The following RBM26 variants were observed in gnomAD, a reference collection of about 807,000 sequenced individuals.
RBM26 encodes RNA binding motif protein 26, also known as RNA-binding protein 26.
A neutral mutation model predicts 123.6 loss-of-function variants in RBM26; 30 were observed. The observed-to-expected ratio is 0.24, with a 90% CI of 0.18 to 0.33. The LOEUF (loss-of-function observed/expected upper bound fraction) is 0.33. RBM26 is among the 10% of genes least tolerant of loss of function. The pLI is 1.00. For synonymous variants in RBM26, 400 were observed against 404.4 expected (o/e 0.99, Z 0.13); for missense variants, 947 against 1,203.6 (o/e 0.79, Z 3.15).
intron 14 of RBM26, among the ~76,000 whole-genome samples, chr13:79,349,113 C>A (rs995256217): frequency 2.6e-5 from 4 of 152,102 alleles, no homozygotes; most frequent in African/African-American, 4.8e-5. Flanking sequence ...GTGTATTTAT[C>A]ATGTACAACA....
In RBM26 at chr13:79,395,224, T is replaced by C. The variant is rs140134330; in HGVS notation, c.71+10480A>G. ...TGAGACGAAACAGTCAATGGAAACA[T>C]ACTCAGAGACTGTCCAGATAATAGA... On this transcript the variant is annotated intron_variant, in intron 1 of 21. Coordinates refer to ENST00000438737, the MANE Select transcript of RBM26 (RefSeq NM_001366735.2). Among the ~76,000 whole-genome samples the C allele has an allele frequency of 1.7e-3, 259 of 152,260 alleles. 2 individuals carry two copies. Among genetic ancestry groups the C allele is most frequent in the African/African-American group, 6.0e-3 (248 of 41,542 alleles).
chr13:79,371,302 A>T, intron 4 of RBM26, 140 bp from the exon 5 acceptor site: 2 of 675,602 alleles, frequency 3.0e-6, no homozygotes. Context: ...ACTGAGCTTA[A>T]TATTCAGTAC....
intron 18 of RBM26, 146 bp from the exon 19 acceptor site, chr13:79,337,448 G>A (rs1393696995): frequency 3.0e-6 from 3 of 988,084 alleles, no homozygotes; most frequent in East Asian, 5.3e-5. Context: ...TTTAAATTGG[G>A]GTTTTAGTTT....
Position 79,337,494 on chromosome 13 carries a change from C to G in RBM26, c.2533-192G>C, listed in dbSNP as rs140534951. ...AATGTAGGTGGCTAGTAAACTGAAA[C>G]AAAAAAATAACACTGAGGTCTTGGA... On this transcript the variant is annotated intron_variant, in intron 18 of 21. Transcript: ENST00000438737. Among the ~76,000 whole-genome samples, 2,501 of 152,038 alleles carry G rather than the reference C, an allele frequency of 0.016. 32 individuals carry two copies. Among genetic ancestry groups the G allele is most frequent in the Non-Finnish European group, 0.026 (1,753 of 67,946 alleles).
At chr13:79,365,429 T>C in intron 9 of RBM26, 149 bp downstream of exon 9, 1 of 653,394 alleles carries the variant, frequency 1.5e-6, no homozygotes, top group Non-Finnish European at 2.6e-6. Flanking sequence ...GGCCACAGAG[T>C]GAGACTCTGT....
intron 6 of RBM26, 108 bp downstream of exon 6, chr13:79,368,622 C>A (rs997175274): frequency 1.9e-6 from 2 of 1,055,244 alleles, no homozygotes; most frequent in Non-Finnish European, 2.8e-6. Flanking sequence ...AGGCTAATTT[C>A]CCACTTTTCA....
chr13:79,344,614 C>G lies in RBM26; in HGVS notation c.2184+55G>C. ...AATAAGCACTGAAAAAACACATACA[C>G]AAGGAAAGCTTTCCTATATGCAAAA... On this transcript the variant is annotated intron_variant, in intron 15 of 21. Transcript: ENST00000438737. The G allele has an allele frequency of 5.3e-6, 8 of 1,501,938 alleles. 1 individual carries two copies. The highest frequency in any genetic ancestry group is 4.8e-5 in the South Asian group (4 of 84,018). 93.0% of individuals were successfully genotyped at this position (1,501,938 alleles called of 1,614,324 possible).
intron 6 of RBM26, among the ~76,000 whole-genome samples, chr13:79,367,428 A>AAAAAAAAAAAAAAAAAAAAAAAAAAAG (rs1566476078): frequency 2.3e-5 from 1 of 43,408 alleles, no homozygotes; most frequent in African/African-American, 6.2e-5. Context: ...AAAAAAAAAA[A>AAAAAAAAAAAAAAAAAAAAAAAAAAAG]AAAAGAAGAA....
intron 17 of RBM26, among the ~76,000 whole-genome samples, 168 bp from the exon 18 acceptor site, chr13:79,341,395 A>C (rs2071351864): frequency 6.6e-6 from 1 of 151,896 alleles, no homozygotes; most frequent in South Asian, 2.1e-4. Flanking sequence ...AATAACTGCA[A>C]CAGCTTCCTA....
chr13:79,373,442 A>G (rs1434973673), intron 3 of RBM26, among the ~76,000 whole-genome samples: 1 of 57,678 alleles, frequency 1.7e-5, no homozygotes, highest in African/African-American at 7.7e-5. Flanking sequence ...TATATATTAT[A>G]TATTATATAT....
chr13:79,373,927 T>C (rs2076404129), intron 3 of RBM26, among the ~76,000 whole-genome samples: 1 of 150,290 alleles, frequency 6.7e-6, no homozygotes, highest in Non-Finnish European at 1.5e-5. Context: ...TTGAGAATAA[T>C]GGTCCTCAAC....
intron 5 of RBM26, among the ~76,000 whole-genome samples, chr13:79,370,202 G>C (rs1160502577): frequency 6.6e-6 from 1 of 152,130 alleles, no homozygotes; most frequent in Non-Finnish European, 1.5e-5. Context: ...TGTAATCCCA[G>C]CTACTTGGGA....
chr13:79,341,955 T>C (rs2071447096), intron 17 of RBM26, among the ~76,000 whole-genome samples: 1 of 151,866 alleles, frequency 6.6e-6, no homozygotes, highest in African/African-American at 2.4e-5. Context: ...AGAACGTAAA[T>C]ACATTTGAAT....
chr13:79,392,330 T>A (rs2078161550), intron 1 of RBM26, among the ~76,000 whole-genome samples: 1 of 142,466 alleles, frequency 7.0e-6, no homozygotes, highest in African/African-American at 2.6e-5. Flanking sequence ...AATTAGTAAT[T>A]ATATATAATT....
chr13:79,381,344 T>C (rs1174656856), intron 1 of RBM26, among the ~76,000 whole-genome samples: 1 of 152,034 alleles, frequency 6.6e-6, no homozygotes, highest in African/African-American at 2.4e-5. Context: ...AGAGTTACAG[T>C]CACTCCCTAT....
intron 18 of RBM26, among the ~76,000 whole-genome samples, chr13:79,338,020 C>T (rs1330811622): frequency 6.6e-6 from 1 of 152,118 alleles, no homozygotes; most frequent in African/African-American, 2.4e-5. Flanking sequence ...AAGTTCAAGA[C>T]CAGCCTGACC....
intron 1 of RBM26, among the ~76,000 whole-genome samples, chr13:79,398,891 T>G: frequency 6.6e-6 from 1 of 152,182 alleles, no homozygotes; most frequent in East Asian, 1.9e-4. Flanking sequence ...GTACACAAAC[T>G]TGAAATTTCA....
At chr13:79,343,586 T>C (rs2071791443) in intron 16 of RBM26, among the ~76,000 whole-genome samples, 2 of 151,882 alleles carry the variant, frequency 1.3e-5, no homozygotes, top group South Asian at 2.1e-4. Context: ...TGAGACTAAT[T>C]AAATGTCATA....
Position 79,366,199 on chromosome 13 carries a change from T to C in RBM26, c.1136-4A>G. The stretch of plus-strand genomic sequence containing the variant: ...GGAGGAAGTGGAGGTGGTGGTCCTG[T>C]CAAAACCAAAGAATAAGAAATATCA... On this transcript the variant is annotated splice_region_variant and splice_polypyrimidine_tract_variant and intron_variant, in intron 7 of 21. Coordinates refer to ENST00000438737, the MANE Select transcript of RBM26 (RefSeq NM_001366735.2). 6.2e-7 allele frequency: 1 copy of C among 1,608,012 alleles called. No homozygotes were observed.
Sources: allele counts gnomAD v4.1 joint callset (sites outside exome capture counted in the v4.1 genomes callset), GRCh38; gene constraint gnomAD v4.1.1; transcripts MANE v1.5; gene names NCBI Gene and HGNC (gene_info 2026-07-23, HGNC 2026-07-21).